Variants in MESP1 observed in about 807,000 individuals in gnomAD.
MESP1 encodes mesoderm posterior bHLH transcription factor 1.
MESP1 carries 22 observed loss-of-function variants against 15.2 expected under a neutral mutation model. That is an observed-to-expected ratio of 1.45 (90% confidence interval 1.04 to 2.07). The LOEUF is 2.07. MESP1 is among the 30% of genes most tolerant of loss of function. MESP1 has a pLI of 0.00. For missense variants in MESP1, 484 were observed against 411.9 expected, an observed-to-expected ratio of 1.17 and a Z score of -1.51; for synonymous variants, 216 against 192.6, an observed-to-expected ratio of 1.12 and a Z score of -1.01.
chr15:89,741,985 T>C, the MESP1 span, among the ~76,000 whole-genome samples: 8 of 152,304 alleles, frequency 5.3e-5, no homozygotes, highest in East Asian at 1.5e-3. Flanking sequence ...TCTCTTGACC[T>C]TGTGATCCAC....
chr15:89,750,007 G>A lies in MESP1; in HGVS notation c.*137C>T, dbSNP rs940735667. 1.2e-5 allele frequency: 10 copies of A among 835,982 alleles called. No individual in the cohort carries two copies. The Admixed American group carries it at 1.7e-4, about 14-fold the overall frequency. The allele number at this position is 835,982 out of a possible 1,614,324, so 51.8% of individuals were successfully genotyped here. ...GAGAAGGGCCGCCGCGGTGGGGACG[G>A]CTCTCACCCGCAGGAATGCCCCCGT... On this transcript the variant is annotated 3_prime_UTR_variant, in exon 2 of 2. Transcript: ENST00000300057.
chr15:89,750,472 G>T, intron 1 of MESP1, 37 bp downstream of exon 1: 2 of 1,473,698 alleles, frequency 1.4e-6, no homozygotes, highest in Non-Finnish European at 1.8e-6. Context: ...GTGCGCGGGG[G>T]CACGGACGAA....
At position 89,750,160 on chromosome 15, in the gene MESP1, G is replaced by C; in HGVS notation, c.791C>G (p.Pro264Arg). The C allele has an allele frequency of 1.2e-6, 2 of 1,613,954 alleles. No homozygotes were observed. Among genetic ancestry groups the C allele is most frequent in the Non-Finnish European group, 1.7e-6 (2 of 1,179,976 alleles). The change falls in exon 2 of 2, where the codon CCT (proline) becomes CGT (arginine). Residue 264 changes from proline (P) to arginine (R), a missense_variant. Physicochemically the swap from Pro to Arg is moderately radical, Grantham distance 103. Coordinates refer to ENST00000300057, the MANE Select transcript of MESP1 (RefSeq NM_018670.4). ...TGTCCCTTGTCACTTGGGCTCCTCA[G>C]GCAGCCACTCCAGAGGCGAGAGGGG... is the stretch of plus-strand genomic sequence containing the variant. ...WMPLSPLEWLPEEPK is the reference protein window; with the variant it reads ...WMPLSPLEWLREEPK
At chr15:89,737,609 A>T in the MESP1 span, 1 of 1,614,142 alleles carries the variant, frequency 6.2e-7, no homozygotes, top group Non-Finnish European at 8.5e-7. Flanking sequence ...TGTGTGCCTT[A>T]TGGATGTGGC....
At chr15:89,748,649 G>A (rs1448483127), downstream of MESP1, 1 of 152,242 alleles carries the variant, frequency 6.6e-6, no homozygotes, top group African/African-American at 2.4e-5. Context: ...AAAGAAGCCA[G>A]ACACAAAAGG....
At chr15:89,742,142 G>A in the MESP1 span, among the ~76,000 whole-genome samples, 1 of 152,162 alleles carries the variant, frequency 6.6e-6, no homozygotes, top group Non-Finnish European at 1.5e-5. Flanking sequence ...AATCCCAGCA[G>A]TTTGGGAGAC....
At position 89,751,075 on chromosome 15, in the gene MESP1, C is replaced by CCACGGGGCTGTCGG. The variant is rs1555437309; in HGVS notation, c.143_156dup (p.Ala53ProfsTer22). 5.3e-6 allele frequency: 7 copies of CCACGGGGCTGTCGG among 1,316,454 alleles called. No individual in the cohort carries two copies. In the East Asian group the frequency reaches 1.2e-4, roughly 22 times the overall value. The allele number at this position is 1,316,454 out of a possible 1,614,324, so 81.5% of individuals were successfully genotyped here. ...AGGGTGCCTGGCCGCGCGGGGCTCG[C>CCACGGGGCTGTCGG]CACGGGGCTGTCGGCTGGGGTGCTG... On this transcript the variant is annotated frameshift_variant, in exon 1 of 2. Coordinates refer to ENST00000300057, the MANE Select transcript of MESP1 (RefSeq NM_018670.4). LOFTEE classifies it high-confidence loss of function.
the MESP1 span, among the ~76,000 whole-genome samples, chr15:89,735,221 T>G: frequency 6.6e-6 from 1 of 152,206 alleles, no homozygotes; most frequent in Non-Finnish European, 1.5e-5. Flanking sequence ...TTTGCAACAT[T>G]GTTCACAAGA....
At chr15:89,740,334 T>C in the MESP1 span, among the ~76,000 whole-genome samples, 1 of 152,178 alleles carries the variant, frequency 6.6e-6, no homozygotes, top group African/African-American at 2.4e-5. Flanking sequence ...TGGGAGGCTC[T>C]CGGTACCTCC....
chr15:89,744,422 C>T, the MESP1 span, among the ~76,000 whole-genome samples: 1 of 152,212 alleles, frequency 6.6e-6, no homozygotes, highest in African/African-American at 2.4e-5. Flanking sequence ...TCCCTCTACA[C>T]AGCAGGTGCT....
chr15:89,746,915 CCACACACAGCCCCACCTCCA>C (rs1967974152), downstream of MESP1, among the ~76,000 whole-genome samples: 1 of 101,500 alleles, frequency 9.9e-6, no homozygotes, highest in Non-Finnish European at 2.0e-5. Flanking sequence ...AGCCCCGCCT[CCACACACAGCCCCACCTCCA>C]CACACACACA....
chr15:89,747,496 G>C (rs1260444710), downstream of MESP1, among the ~76,000 whole-genome samples: 1 of 152,202 alleles, frequency 6.6e-6, no homozygotes, highest in Admixed American at 6.5e-5. Context: ...TGGCCTCAGC[G>C]GGCACCCCTG....
At chr15:89,743,072 T>G in the MESP1 span, among the ~76,000 whole-genome samples, 1 of 152,346 alleles carries the variant, frequency 6.6e-6, no homozygotes, top group East Asian at 1.9e-4. Context: ...TCTACCCACA[T>G]GCACCTCACA....
the MESP1 span, among the ~76,000 whole-genome samples, chr15:89,740,877 C>T: frequency 7.9e-5 from 12 of 152,172 alleles, no homozygotes; most frequent in South Asian, 1.5e-3. Context: ...CGGTGGCTCA[C>T]ACCTGTAATC....
chr15:89,736,113 C>G, the MESP1 span, among the ~76,000 whole-genome samples: 1,172 of 152,302 alleles, frequency 7.7e-3, 14 homozygotes, highest in African/African-American at 0.027. Flanking sequence ...GGGGCTCAAA[C>G]AGAGAGGTCA....
At chr15:89,736,987 T>A in the MESP1 span, among the ~76,000 whole-genome samples, 1 of 152,094 alleles carries the variant, frequency 6.6e-6, no homozygotes, top group African/African-American at 2.4e-5. Context: ...GAGACGAGGT[T>A]TCACCGTGTT....
At chr15:89,732,526 A>C in the MESP1 span, among the ~76,000 whole-genome samples, 3 of 152,312 alleles carry the variant, frequency 2.0e-5, no homozygotes, top group South Asian at 6.2e-4. Context: ...AGATATTTCA[A>C]GGAAAGAAGA....
chr15:89,751,030 A>AG lies in MESP1; in HGVS notation c.201dup (p.Ser68LeufsTer4). On this transcript the variant is annotated frameshift_variant, in exon 1 of 2. Transcript: ENST00000300057. LOFTEE classifies it high-confidence loss of function. ...CTGCGCGCGCCGCGCCTACCTACGG[A>AG]GGGGGCGCGGGGGTCCCGGAGGGTG... 1.5e-6 allele frequency: 2 copies of AG among 1,349,310 alleles called. No individual in the cohort carries two copies. Among genetic ancestry groups the AG allele is most frequent in the South Asian group, 1.9e-5 (1 of 52,510 alleles). 83.6% of individuals were successfully genotyped at this position (1,349,310 alleles called of 1,614,324 possible).
chr15:89,749,962 C>A lies in MESP1; in HGVS notation c.*182G>T. The A allele has an allele frequency of 1.6e-6, 1 of 627,156 alleles. No homozygotes were observed. The highest frequency in any genetic ancestry group is 1.8e-5 in the South Asian group (1 of 55,030). 38.8% of individuals were successfully genotyped at this position (627,156 alleles called of 1,614,324 possible). On this transcript the variant is annotated 3_prime_UTR_variant, in exon 2 of 2. Coordinates refer to ENST00000300057, the MANE Select transcript of MESP1 (RefSeq NM_018670.4). ...CTCAAAGTGTCTAGCCCTATGGGTC[C>A]CTCCATGGAGGGAGGGGCTGAGAAG...
Sources: gnomAD v4.1 joint callset for allele counts (sites outside exome capture counted in the v4.1 genomes callset) on GRCh38, gnomAD v4.1.1 for gene constraint, MANE v1.5 for transcripts, NCBI Gene and HGNC (gene_info 2026-07-23, HGNC 2026-07-21) for gene names.